The following RAB2A variants were observed in gnomAD, a reference collection of about 807,000 sequenced individuals.
The protein encoded by RAB2A is RAB2A, member RAS oncogene family.
In RAB2A, 7 loss-of-function variants were observed where a neutral mutation model predicts 32.5. The ratio of observed to expected loss-of-function variants is 0.22; its 90% confidence interval spans 0.12 to 0.40. The LOEUF (loss-of-function observed/expected upper bound fraction) is 0.40, where lower values mean the gene tolerates loss of function less well. Ranked by LOEUF, RAB2A falls within the 10% of genes least tolerant of loss-of-function variation. The pLI is 1.00. For synonymous variants in RAB2A, 79 were observed against 85.2 expected (o/e 0.93, Z 0.40); for missense variants, 108 against 260.7 (o/e 0.41, Z 4.03).
chr8:60,538,657 T>G (rs182084439), intron 1 of RAB2A, among the ~76,000 whole-genome samples: 1 of 152,164 alleles, frequency 6.6e-6, no homozygotes, highest in East Asian at 1.9e-4. Flanking sequence ...GCTGCCCTCT[T>G]TGTGCTCAGC....
chr8:60,524,767 G>A (rs891550200), intron 1 of RAB2A, among the ~76,000 whole-genome samples: 3 of 152,198 alleles, frequency 2.0e-5, no homozygotes, highest in Non-Finnish European at 2.9e-5. Context: ...TGTATTGATG[G>A]TAGTACTGTA....
chr8:60,587,754 C>T (rs934279293), intron 5 of RAB2A, among the ~76,000 whole-genome samples: 3 of 149,128 alleles, frequency 2.0e-5, no homozygotes, highest in Non-Finnish European at 4.4e-5. Context: ...GCAATTTTAC[C>T]TATCAATTTA....
intron 1 of RAB2A, among the ~76,000 whole-genome samples, chr8:60,554,132 T>C (rs137985574): frequency 1.3e-5 from 2 of 152,326 alleles, no homozygotes; most frequent in African/African-American, 4.8e-5. Flanking sequence ...CAGTGTGACA[T>C]GAGAGTGAGT....
intron 1 of RAB2A, among the ~76,000 whole-genome samples, chr8:60,546,969 C>T (rs1807738938): frequency 7.3e-6 from 1 of 137,040 alleles, no homozygotes; most frequent in Non-Finnish European, 1.5e-5. Flanking sequence ...GGTCACAGGA[C>T]AATAGTGGAG....
intron 5 of RAB2A, among the ~76,000 whole-genome samples, chr8:60,587,182 C>T (rs1436058809): frequency 2.6e-4 from 40 of 151,898 alleles, no homozygotes. Context: ...ATCAGTAGAG[C>T]CGAATAAGAA....
At chr8:60,569,383 T>C (rs963780373) in intron 2 of RAB2A, among the ~76,000 whole-genome samples, 8 of 152,242 alleles carry the variant, frequency 5.3e-5, no homozygotes, top group African/African-American at 1.2e-4. Flanking sequence ...TATGACATAT[T>C]CCTGGTTTAG....
intron 1 of RAB2A, among the ~76,000 whole-genome samples, chr8:60,548,556 G>A (rs1174438737): frequency 7.8e-6 from 1 of 128,902 alleles, no homozygotes; most frequent in Non-Finnish European, 1.6e-5. Flanking sequence ...GGCTGGCCGG[G>A]CAGAGGGGAT....
intron 2 of RAB2A, among the ~76,000 whole-genome samples, chr8:60,571,088 T>C (rs1586089369): frequency 6.6e-6 from 1 of 152,216 alleles, no homozygotes; most frequent in Non-Finnish European, 1.5e-5. Flanking sequence ...TCTAAAATTA[T>C]CTCCTATTTT....
chr8:60,597,419 A>T (rs1361648101), intron 6 of RAB2A, among the ~76,000 whole-genome samples: 1 of 152,144 alleles, frequency 6.6e-6, no homozygotes, highest in African/African-American at 2.4e-5. Flanking sequence ...CAGGGCGGGT[A>T]ACATCACACA....
At chr8:60,586,848 G>C (rs1487141980) in intron 5 of RAB2A, among the ~76,000 whole-genome samples, 1 of 150,516 alleles carries the variant, frequency 6.6e-6, no homozygotes, top group East Asian at 2.0e-4. Context: ...AGGATCACTT[G>C]AATCCAGGAG....
At chr8:60,583,947 G>T (rs1353248899) in intron 3 of RAB2A, 1 of 292,188 alleles carries the variant, frequency 3.4e-6, no homozygotes, top group Non-Finnish European at 6.7e-6. Context: ...GTCAGGGATT[G>T]CCAAAAAGGG....
At chr8:60,588,783 T>A (rs1803887461) in intron 5 of RAB2A, among the ~76,000 whole-genome samples, 1 of 152,218 alleles carries the variant, frequency 6.6e-6, no homozygotes, top group Non-Finnish European at 1.5e-5. Context: ...AAGTACAACT[T>A]CTTTTATGTC....
At chr8:60,560,864 G>A (rs1184499086) in intron 2 of RAB2A, among the ~76,000 whole-genome samples, 1 of 151,964 alleles carries the variant, frequency 6.6e-6, no homozygotes, top group Non-Finnish European at 1.5e-5. Context: ...TCTGCCATAG[G>A]CTATACTTGC....
chr8:60,526,055 A>ATATG (rs1554550797), intron 1 of RAB2A, among the ~76,000 whole-genome samples: 10 of 100,074 alleles, frequency 1.0e-4, no homozygotes, highest in African/African-American at 3.7e-4. Flanking sequence ...ATATATATAT[A>ATATG]TAAGTTTTCT....
intron 1 of RAB2A, among the ~76,000 whole-genome samples, chr8:60,517,484 C>A (rs1328467419): frequency 6.6e-6 from 1 of 152,174 alleles, no homozygotes; most frequent in Admixed American, 6.5e-5. Context: ...AGCTGAGGGC[C>A]GTGGCAGCCG....
intron 2 of RAB2A, among the ~76,000 whole-genome samples, chr8:60,564,737 C>T (rs980297109): frequency 1.3e-5 from 2 of 152,188 alleles, no homozygotes; most frequent in African/African-American, 4.8e-5. Context: ...CTGTTCTTAA[C>T]ATTTTAAACA....
intron 6 of RAB2A, among the ~76,000 whole-genome samples, chr8:60,593,082 A>G (rs915481627): frequency 3.9e-5 from 6 of 152,246 alleles, no homozygotes; most frequent in African/African-American, 1.4e-4. Context: ...GAACCTAAAA[A>G]TTGACTACAG....
rs147283391 is a variant in RAB2A at position 60,603,921 on chromosome 8, G to A, written c.474+11952G>A. ...AGAAAAGAAAAGAAGAAAGAAAATA[G>A]ATGCTTGATTGATAGACAGACAGAT... is the stretch of plus-strand genomic sequence containing the variant. On this transcript the variant is annotated intron_variant, in intron 6 of 7. Transcript: ENST00000262646. Among the ~76,000 whole-genome samples the A allele has an allele frequency of 4.6e-3, 705 of 152,218 alleles. 4 individuals are homozygous for A. Among genetic ancestry groups the A allele is most frequent in the African/African-American group, 0.016 (667 of 41,538 alleles).
At chr8:60,582,271 T>G (rs570186954) in intron 3 of RAB2A, among the ~76,000 whole-genome samples, 1 of 152,330 alleles carries the variant, frequency 6.6e-6, no homozygotes, top group East Asian at 1.9e-4. Context: ...TAAAATGATT[T>G]GGCTATTTTT....
Sources: allele counts gnomAD v4.1 joint callset (sites outside exome capture counted in the v4.1 genomes callset), GRCh38; gene constraint gnomAD v4.1.1; transcripts MANE v1.5; gene names NCBI Gene and HGNC (gene_info 2026-07-23, HGNC 2026-07-21).